Variants in TMEM132C observed in about 807,000 individuals in gnomAD.
TMEM132C encodes transmembrane protein 132C.
In TMEM132C, 29 loss-of-function variants were observed where a neutral mutation model predicts 61.4. That is an observed-to-expected ratio of 0.47 (90% CI 0.35 to 0.64). The LOEUF (loss-of-function observed/expected upper bound fraction) is 0.64, where lower values mean the gene tolerates loss of function less well. TMEM132C is among the 30% of genes least tolerant of loss of function. The pLI is 0.00. For missense variants in TMEM132C, 1,408 were observed against 1,476.9 expected (o/e 0.95, Z 0.76); for synonymous variants, 656 against 633.1 (o/e 1.04, Z -0.54).
At chr12:128,405,181 G>A (rs1042037357) in intron 1 of TMEM132C, among the ~76,000 whole-genome samples, 4 of 152,114 alleles carry the variant, frequency 2.6e-5, no homozygotes, top group East Asian at 1.9e-4. Flanking sequence ...GTCAGAACTC[G>A]CAATGCCATG....
intron 1 of TMEM132C, among the ~76,000 whole-genome samples, chr12:128,274,936 G>C (rs555237979): frequency 1.3e-5 from 2 of 152,268 alleles, no homozygotes; most frequent in East Asian, 3.9e-4. Flanking sequence ...TCTCTATCTA[G>C]AAAGGTATAA....
intron 2 of TMEM132C, among the ~76,000 whole-genome samples, chr12:128,509,213 A>T (rs1872491079): frequency 6.6e-6 from 1 of 152,354 alleles, no homozygotes; most frequent in East Asian, 1.9e-4. Flanking sequence ...TACCTGGGAA[A>T]AGGAAACACA....
intron 2 of TMEM132C, among the ~76,000 whole-genome samples, chr12:128,443,293 G>C (rs1869862492): frequency 6.6e-6 from 1 of 151,924 alleles, no homozygotes; most frequent in South Asian, 2.1e-4. Context: ...GTAGGTGAGG[G>C]ACAAAAGACT....
chr12:128,414,590 G>T (rs1868687351), intron 1 of TMEM132C, 142 bp from the exon 2 acceptor site: 1 of 848,686 alleles, frequency 1.2e-6, no homozygotes, highest in Non-Finnish European at 1.7e-6. Context: ...CTTATTCCAG[G>T]AAGAATATAA....
chr12:128,340,335 G>C (rs79656350), intron 1 of TMEM132C, among the ~76,000 whole-genome samples: 11 of 151,802 alleles, frequency 7.2e-5, no homozygotes, highest in Non-Finnish European at 1.5e-4. Flanking sequence ...ATACTCTATC[G>C]GTGCTTCTTT....
rs894712137 is a variant in TMEM132C at position 128,658,122 on chromosome 12, C to T, written c.1306-11295C>T. Among the ~76,000 whole-genome samples the T allele has an allele frequency of 8.9e-5, 8 of 90,240 alleles. 1 individual carries two copies. Among genetic ancestry groups the T allele is most frequent in the South Asian group, 5.3e-4 (1 of 1,888 alleles). The allele number at this position is 90,240 out of a possible 152,430, so 59.2% of individuals were successfully genotyped here. A position where few individuals can be genotyped will look rare whatever the true frequency, so the allele number is the denominator to read the frequency against. On this transcript the variant is annotated intron_variant, in intron 4 of 8. Coordinates refer to ENST00000435159, the MANE Select transcript of TMEM132C (RefSeq NM_001136103.3). ...GGAGGCCACAAGGCAGGAGCAGGGA[C>T]GCAGCTCCCATGGAGGCCACAAGGC...
intron 1 of TMEM132C, among the ~76,000 whole-genome samples, chr12:128,374,683 G>A (rs1346925322): frequency 2.0e-5 from 3 of 151,678 alleles, no homozygotes; most frequent in Non-Finnish European, 4.4e-5. Flanking sequence ...AGGAGCCCAA[G>A]ACAAATGACC....
Position 128,695,984 on chromosome 12 carries a change from T to C in TMEM132C, c.1810T>C (p.Trp604Arg). ...GCCGAACTACCTGCTTAGTCCTAAC[T>C]GGCAGTTCGACATCACTCACCTGGT... ...GQPNYLLSPN[W>R]QFDITHLVAD... is the part of the protein sequence containing the mutation. Residue 604 changes from tryptophan to arginine, a missense_variant, in exon 7 of 9, where the codon TGG becomes CGG. By Grantham distance (101) the Trp-to-Arg change is moderately radical (BLOSUM62 -3). Coordinates refer to ENST00000435159, the MANE Select transcript of TMEM132C (RefSeq NM_001136103.3). 1.3e-6 allele frequency: 2 copies of C among 1,551,788 alleles called. No homozygotes were observed. Among genetic ancestry groups the C allele is most frequent in the Non-Finnish European group, 1.7e-6 (2 of 1,147,008 alleles).
rs370624345 is a variant in TMEM132C, at chr12:128,669,650, A to T, written c.1449+90A>T. 7.5e-5 allele frequency: 109 copies of T among 1,453,390 alleles called. No individual in the cohort carries two copies. In the East Asian group the frequency reaches 1.8e-3, roughly 24 times the overall value. The allele number at this position is 1,453,390 out of a possible 1,614,324, so 90.0% of individuals were successfully genotyped here. ...AGGGACATTTAGACTGAAATACATG[A>T]CGTTCAACTATACAGAGGCTTATGT... On this transcript the variant is annotated intron_variant, in intron 5 of 8. Coordinates refer to ENST00000435159, the MANE Select transcript of TMEM132C (RefSeq NM_001136103.3).
At chr12:128,684,947 C>T in intron 5 of TMEM132C, among the ~76,000 whole-genome samples, 1 of 152,166 alleles carries the variant, frequency 6.6e-6, no homozygotes, top group Middle Eastern at 3.2e-3. Flanking sequence ...CAGATGTTCT[C>T]TGGGGTGAGA....
chr12:128,518,609 C>T (rs1872796520), intron 2 of TMEM132C, among the ~76,000 whole-genome samples: 1 of 152,090 alleles, frequency 6.6e-6, no homozygotes, highest in Non-Finnish European at 1.5e-5. Context: ...ATGAAGATAC[C>T]TTTTGTAAAT....
intron 2 of TMEM132C, among the ~76,000 whole-genome samples, chr12:128,466,357 G>A (rs1007291597): frequency 9.2e-5 from 14 of 152,148 alleles, no homozygotes; most frequent in Non-Finnish European, 1.5e-4. Context: ...TGCTTTGTTT[G>A]GCTTATATAA....
Position 128,329,720 on chromosome 12 carries a change from G to A in TMEM132C, c.85+62233G>A, listed in dbSNP as rs538519996. Among the ~76,000 whole-genome samples the A allele has an allele frequency of 1.2e-3, 186 of 152,246 alleles. 2 individuals carry two copies. The highest frequency in any genetic ancestry group is 4.2e-3 in the African/African-American group (173 of 41,542). Reference sequence around the variant, plus strand: ...TTGGCTAGTCAGCTTTGTTGGGGGCGGAGGAGGCTCCCAGAGCTGGACCCC... The same window carrying A: ...TTGGCTAGTCAGCTTTGTTGGGGGCAGAGGAGGCTCCCAGAGCTGGACCCC... On this transcript the variant is annotated intron_variant, in intron 1 of 8. Coordinates refer to ENST00000435159, the MANE Select transcript of TMEM132C (RefSeq NM_001136103.3).
rs757837336 is a variant in TMEM132C, at chr12:128,695,837, C to T, written c.1663C>T (p.Arg555Cys). ...TTTGTCCCTTCCCACAAGGCCCACT[C>T]GTGAGAGCGAGGATGAGGACGAGGA... Reference protein sequence around the residue: ...VPIVTNKRPTRESEDEDEEER... With the variant: ...VPIVTNKRPTCESEDEDEEER... The change falls in exon 7 of 9, where the codon CGT becomes TGT. Residue 555 changes from arginine (R) to cysteine (C), a missense_variant. Physicochemically the swap from Arg to Cys is radical, Grantham distance 180 (BLOSUM62 -3). Coordinates refer to ENST00000435159, the MANE Select transcript of TMEM132C (RefSeq NM_001136103.3). The T allele has an allele frequency of 2.3e-5, 35 of 1,543,806 alleles. No homozygotes were observed. Among genetic ancestry groups the T allele is most frequent in the Non-Finnish European group, 2.8e-5 (32 of 1,142,196 alleles).
intron 3 of TMEM132C, among the ~76,000 whole-genome samples, chr12:128,569,483 G>T (rs1267972187): frequency 1.3e-5 from 2 of 152,112 alleles, no homozygotes; most frequent in African/African-American, 2.4e-5. Flanking sequence ...ACCTACTACA[G>T]CAAATATATA....
chr12:128,662,275 C>T (rs1388152237), intron 4 of TMEM132C, among the ~76,000 whole-genome samples: 1 of 152,162 alleles, frequency 6.6e-6, no homozygotes, highest in Non-Finnish European at 1.5e-5. Flanking sequence ...CACCAATTGC[C>T]TTATACGAGA....
chr12:128,529,917 G>A (rs1028907721), intron 2 of TMEM132C, among the ~76,000 whole-genome samples: 1 of 152,144 alleles, frequency 6.6e-6, no homozygotes, highest in African/African-American at 2.4e-5. Context: ...GTTTATATTA[G>A]AAAATTACAA....
chr12:128,582,536 G>C (rs555804330), intron 3 of TMEM132C, among the ~76,000 whole-genome samples: 1 of 151,906 alleles, frequency 6.6e-6, no homozygotes, highest in Non-Finnish European at 1.5e-5. Flanking sequence ...TGTTGTGGGA[G>C]GGACTTGGTG....
At chr12:128,286,905 G>A (rs1025544435) in intron 1 of TMEM132C, among the ~76,000 whole-genome samples, 3 of 152,074 alleles carry the variant, frequency 2.0e-5, no homozygotes, top group African/African-American at 7.2e-5. Flanking sequence ...AGAGAGAGGG[G>A]TAGAAAGAGT....
Sources: gnomAD v4.1 joint callset for allele counts (sites outside exome capture counted in the v4.1 genomes callset) on GRCh38, gnomAD v4.1.1 for gene constraint, MANE v1.5 for transcripts, NCBI Gene and HGNC (gene_info 2026-07-23, HGNC 2026-07-21) for gene names.